Variants in RTL9 observed in about 807,000 individuals in gnomAD.
RTL9 encodes retrotransposon Gag-like protein 9.
RTL9 carries 19 observed loss-of-function variants against 44.7 expected under a neutral mutation model. The ratio of observed to expected loss-of-function variants is 0.42; its 90% CI spans 0.30 to 0.62. The LOEUF is 0.62. Among genes scored for constraint, RTL9 ranks in the 20% least tolerant of loss-of-function variants. The pLI is 0.16. For synonymous variants in RTL9, 407 were observed against 398.9 expected, an observed-to-expected ratio of 1.02 and a Z score of -0.24; for missense variants, 1,105 against 1,080.6, an observed-to-expected ratio of 1.02 and a Z score of -0.32.
chrX:110,403,597 G>C (rs892745378), intron 1 of RTL9, among the ~76,000 whole-genome samples: 8 of 111,583 alleles, frequency 7.2e-5, no homozygotes, highest in African/African-American at 2.6e-4. Flanking sequence ...TCATTCCCAG[G>C]TCTTGGTGCT....
At chrX:110,382,310 C>T (rs2068425639) in intron 1 of RTL9, among the ~76,000 whole-genome samples, 1 of 108,604 alleles carries the variant, frequency 9.2e-6, no homozygotes, top group Non-Finnish European at 1.9e-5. Flanking sequence ...GAATAAGCAA[C>T]GTTCCAATTG....
At chrX:110,383,498 A>G (rs1340661363) in intron 1 of RTL9, among the ~76,000 whole-genome samples, 1 of 111,149 alleles carries the variant, frequency 9.0e-6, no homozygotes, top group African/African-American at 3.3e-5. Flanking sequence ...TACTCAGCCT[A>G]CCACTCCAGT....
exon 1 of RTL9, chrX:110,454,370 G>A: frequency 8.2e-7 from 1 of 1,212,304 alleles, no homozygotes; most frequent in Non-Finnish European, 1.1e-6. Flanking sequence ...CAGTCAGGCA[G>A]TATGCCACTG....
At chrX:110,448,827 C>T (rs759237909), upstream of RTL9, among the ~76,000 whole-genome samples, 402 of 110,692 alleles carry the variant, frequency 3.6e-3, 5 homozygotes, top group Admixed American at 6.0e-3. Flanking sequence ...GAGCTAGGGG[C>T]GCAAAGGATA....
chrX:110,450,375 A>G (rs917429911), upstream of RTL9, among the ~76,000 whole-genome samples: 7 of 111,724 alleles, frequency 6.3e-5, no homozygotes, highest in Admixed American at 2.9e-4. Flanking sequence ...TGAAAAGGAT[A>G]GAGGCAGAAG....
At chrX:110,451,010 C>T (rs147233952) in exon 1 of RTL9, 370 of 1,210,105 alleles carry the variant, frequency 3.1e-4, no homozygotes, top group Non-Finnish European at 3.8e-4. Context: ...CATTGCTGTC[C>T]ACTTCAGAGT....
chrX:110,439,660 C>A (rs768829220), intron 1 of RTL9, among the ~76,000 whole-genome samples: 53 of 111,806 alleles, frequency 4.7e-4, no homozygotes, highest in Non-Finnish European at 9.0e-4. Flanking sequence ...TTCTGGTATG[C>A]TGTGGTGGGG....
chrX:110,452,147 G>A lies in RTL9; in HGVS notation c.1530G>A (p.Met510Ile), dbSNP rs150857628. The change falls in exon 1 of 2, where the codon ATG becomes ATA. Residue 510 changes from methionine (M) to isoleucine (I), a missense_variant. Transcript: ENST00000540313. Reference sequence around the variant, plus strand: ...GGAGAGCTCCAACTTCTGGAGCAATGTCCACCCAACCAGTTACGGCAACAG... The same window carrying A: ...GGAGAGCTCCAACTTCTGGAGCAATATCCACCCAACCAGTTACGGCAACAG... 1,204 of 1,210,402 alleles carry A rather than the reference G, an allele frequency of 9.9e-4. No individual in the cohort carries two copies. Among genetic ancestry groups the A allele is most frequent in the Non-Finnish European group, 1.2e-3 (1,032 of 895,313 alleles).
At chrX:110,402,735 G>A (rs1390785034) in intron 1 of RTL9, among the ~76,000 whole-genome samples, 1 of 112,519 alleles carries the variant, frequency 8.9e-6, no homozygotes, top group Non-Finnish European at 1.9e-5. Context: ...CATGCTTTTG[G>A]AGGGAGGTCT....
chrX:110,381,611 A>G (rs947328281), intron 1 of RTL9, among the ~76,000 whole-genome samples: 3 of 111,721 alleles, frequency 2.7e-5, no homozygotes, highest in Non-Finnish European at 1.9e-5. Flanking sequence ...TACCAAAAAG[A>G]CACCTGCACT....
intron 1 of RTL9, among the ~76,000 whole-genome samples, chrX:110,441,810 T>C (rs1279507351): frequency 1.8e-5 from 2 of 112,014 alleles, no homozygotes; most frequent in Non-Finnish European, 3.8e-5. Flanking sequence ...ATGAAGGAAG[T>C]TAATACTTAT....
rs776899132 is a variant in RTL9, at chrX:110,445,150, C to T, written c.-167-3C>T. The stretch of plus-strand genomic sequence containing the variant: ...CACACCTACCCTCTCTTCCATATGA[C>T]AGCCCTTCAGAGACTTGAAGACAGT... On this transcript the variant is annotated splice_polypyrimidine_tract_variant and splice_region_variant and intron_variant, in intron 1 of 3. Coordinates refer to the RTL9 transcript ENST00000465301. The T allele has an allele frequency of 1.3e-3, 151 of 112,555 alleles. No homozygotes were observed. The highest frequency in any genetic ancestry group is 2.4e-3 in the Non-Finnish European group (129 of 53,274). 9.3% of individuals were successfully genotyped at this position (112,555 alleles called of 1,213,427 possible). A position where few individuals can be genotyped will look rare whatever the true frequency, so the allele number is the denominator to read the frequency against.
At chrX:110,384,896 T>C (rs1331572166) in intron 1 of RTL9, among the ~76,000 whole-genome samples, 1 of 111,104 alleles carries the variant, frequency 9.0e-6, no homozygotes, top group Non-Finnish European at 1.9e-5. Flanking sequence ...CTCTTTCTTA[T>C]TCTGTTGCCT....
At chrX:110,400,534 C>T (rs1281902711) in intron 1 of RTL9, among the ~76,000 whole-genome samples, 1 of 110,878 alleles carries the variant, frequency 9.0e-6, no homozygotes, top group East Asian at 2.8e-4. Flanking sequence ...TCTCACCAGT[C>T]CTCACTACAT....
exon 1 of RTL9, chrX:110,450,798 A>T: frequency 8.3e-7 from 1 of 1,211,459 alleles, no homozygotes; most frequent in Non-Finnish European, 1.1e-6. Context: ...CCCTGGAGGG[A>T]CATCCACACA....
chrX:110,373,196 T>G (rs886711250), intron 1 of RTL9, among the ~76,000 whole-genome samples: 1 of 111,869 alleles, frequency 8.9e-6, no homozygotes, highest in Non-Finnish European at 1.9e-5. Context: ...GCATCCTGAC[T>G]CCAGGACCAT....
intron 1 of RTL9, among the ~76,000 whole-genome samples, chrX:110,429,474 G>GTTTTTTTT (rs768648303): frequency 1.5e-5 from 1 of 67,842 alleles, no homozygotes; most frequent in African/African-American, 1.0e-4. Flanking sequence ...TTTTTTTTTT[G>GTTTTTTTT]TTTTGTTTTT....
intron 1 of RTL9, among the ~76,000 whole-genome samples, chrX:110,395,086 T>C (rs889100543): frequency 8.9e-6 from 1 of 112,381 alleles, no homozygotes; most frequent in East Asian, 2.8e-4. Flanking sequence ...TCATGGAAGG[T>C]GGGGAGTGTA....
At chrX:110,452,025 G>T in exon 1 of RTL9, 1 of 1,211,692 alleles carries the variant, frequency 8.3e-7, no homozygotes, top group Non-Finnish European at 1.1e-6. Flanking sequence ...GTTAACAATG[G>T]CCAAAACTTC....
Sources: allele counts gnomAD v4.1 joint callset (sites outside exome capture counted in the v4.1 genomes callset), GRCh38; gene constraint gnomAD v4.1.1; transcripts MANE v1.5; gene names NCBI Gene and HGNC (gene_info 2026-07-23, HGNC 2026-07-21).